Variants in ANO6 observed in about 807,000 individuals in gnomAD.
The protein encoded by ANO6 is anoctamin 6.
ANO6 carries 106 observed loss-of-function variants against 117.5 expected under a neutral mutation model. That is an observed-to-expected ratio of 0.90 (90% CI 0.77 to 1.06). ANO6 has a LOEUF of 1.06. ANO6 is among the 50% of genes least tolerant of loss of function. ANO6 has a pLI of 0.00. For missense variants in ANO6, 955 were observed against 1,121.1 expected, an observed-to-expected ratio of 0.85 and a Z score of 2.12; for synonymous variants, 367 against 385.1, an observed-to-expected ratio of 0.95 and a Z score of 0.55.
At chr12:45,326,279 G>A (rs1474935854) in intron 2 of ANO6, among the ~76,000 whole-genome samples, 2 of 152,132 alleles carry the variant, frequency 1.3e-5, no homozygotes, top group African/African-American at 2.4e-5. Context: ...ATCTATCCTT[G>A]ATGAGAAATG....
intron 1 of ANO6, among the ~76,000 whole-genome samples, chr12:45,277,970 T>C (rs750270405): frequency 2.6e-5 from 4 of 152,160 alleles, no homozygotes; most frequent in African/African-American, 4.8e-5. Flanking sequence ...ATGTATTTTT[T>C]AGAGATAGGG....
intron 2 of ANO6, among the ~76,000 whole-genome samples, chr12:45,330,123 A>C (rs777267901): frequency 2.0e-5 from 3 of 152,156 alleles, no homozygotes; most frequent in Non-Finnish European, 2.9e-5. Flanking sequence ...GGGTTACATC[A>C]GCAGCATTCA....
At chr12:45,293,745 T>TTG (rs1555166012) in intron 1 of ANO6, among the ~76,000 whole-genome samples, 1 of 139,516 alleles carries the variant, frequency 7.2e-6, no homozygotes. Flanking sequence ...TTTTTTTTTT[T>TTG]TTTTTTTTTT....
At chr12:45,294,191 C>T (rs1389515361) in intron 1 of ANO6, among the ~76,000 whole-genome samples, 2 of 152,044 alleles carry the variant, frequency 1.3e-5, no homozygotes, top group African/African-American at 2.4e-5. Context: ...GAATGGCTCC[C>T]GCTTTTGGAT....
chr12:45,231,045 T>C (rs1454342595), intron 1 of ANO6, among the ~76,000 whole-genome samples: 1 of 152,182 alleles, frequency 6.6e-6, no homozygotes, highest in Non-Finnish European at 1.5e-5. Context: ...AGGCGGAGAC[T>C]GCAGTGAACC....
intron 19 of ANO6, among the ~76,000 whole-genome samples, chr12:45,438,368 G>A (rs1223185378): frequency 6.6e-6 from 1 of 152,002 alleles, no homozygotes; most frequent in Admixed American, 6.5e-5. Flanking sequence ...AAGGACATGT[G>A]ATCAGCAATA....
chr12:45,392,855 A>G (rs1008210181), intron 12 of ANO6, among the ~76,000 whole-genome samples: 1 of 152,250 alleles, frequency 6.6e-6, no homozygotes, highest in Non-Finnish European at 1.5e-5. Context: ...ACCAACATCA[A>G]AGACCAAAGG....
At chr12:45,440,135 A>G (rs892498940) in exon 20 of ANO6, 2 of 458,362 alleles carry the variant, frequency 4.4e-6, no homozygotes, top group Non-Finnish European at 7.0e-6. Flanking sequence ...TGTTGTTGCT[A>G]TTATTAAAAG....
chr12:45,289,321 C>A (rs1939021398), intron 1 of ANO6, among the ~76,000 whole-genome samples: 1 of 151,918 alleles, frequency 6.6e-6, no homozygotes, highest in Non-Finnish European at 1.5e-5. Context: ...TGCCTGCCAC[C>A]ACACCTGGCT....
intron 1 of ANO6, among the ~76,000 whole-genome samples, chr12:45,294,444 A>G (rs1459232705): frequency 6.6e-6 from 1 of 152,230 alleles, no homozygotes; most frequent in Non-Finnish European, 1.5e-5. Flanking sequence ...CTGAAGTGGT[A>G]ATAATTGTAG....
At chr12:45,217,170 G>A (rs865838169) in intron 1 of ANO6, among the ~76,000 whole-genome samples, 1 of 152,092 alleles carries the variant, frequency 6.6e-6, no homozygotes, top group African/African-American at 2.4e-5. Context: ...ATGAGAGGAG[G>A]TGAGGAAGGG....
At chr12:45,349,893 G>C (rs1260662272) in intron 6 of ANO6, among the ~76,000 whole-genome samples, 2 of 152,196 alleles carry the variant, frequency 1.3e-5, no homozygotes, top group African/African-American at 2.4e-5. Context: ...GGGATGCCAG[G>C]GTTCTCTAAC....
intron 1 of ANO6, among the ~76,000 whole-genome samples, chr12:45,301,409 A>G (rs1333434165): frequency 2.0e-5 from 3 of 152,070 alleles, no homozygotes; most frequent in Non-Finnish European, 4.4e-5. Context: ...TAGCCTGGGC[A>G]ATATAGGGAT....
intron 1 of ANO6, among the ~76,000 whole-genome samples, chr12:45,218,088 A>C (rs1273099029): frequency 2.6e-5 from 4 of 152,184 alleles, no homozygotes; most frequent in Admixed American, 2.0e-4. Flanking sequence ...CATTCATGCT[A>C]GTTTTGTCCA....
intron 1 of ANO6, among the ~76,000 whole-genome samples, chr12:45,240,833 A>T (rs1370491608): frequency 6.6e-6 from 1 of 152,090 alleles, no homozygotes; most frequent in Non-Finnish European, 1.5e-5. Flanking sequence ...TGGATATGAG[A>T]TTCTGGGTTG....
chr12:45,292,854 G>A, intron 1 of ANO6: 2 of 1,547,752 alleles, frequency 1.3e-6, no homozygotes, highest in Middle Eastern at 1.7e-4. Context: ...TAAGGTAGAG[G>A]TAGGAGGGTA....
At chr12:45,371,625 C>T (rs867566693) in intron 9 of ANO6, among the ~76,000 whole-genome samples, 30 of 151,900 alleles carry the variant, frequency 2.0e-4, no homozygotes, top group Non-Finnish European at 2.8e-4. Context: ...CGGCAGGGTA[C>T]TCCAACAGAC....
chr12:45,231,611 A>G (rs1165117443), intron 1 of ANO6, among the ~76,000 whole-genome samples: 2 of 152,210 alleles, frequency 1.3e-5, no homozygotes, highest in Non-Finnish European at 2.9e-5. Context: ...CTCTTACTGC[A>G]TTTAGAATTG....
chr12:45,235,608 C>T (rs906268580), intron 1 of ANO6, among the ~76,000 whole-genome samples: 25 of 152,122 alleles, frequency 1.6e-4, no homozygotes, highest in Admixed American at 1.4e-3. Flanking sequence ...GGTGGTATGC[C>T]GCCTTTTAAC....
Sources: allele counts gnomAD v4.1 joint callset (sites outside exome capture counted in the v4.1 genomes callset), GRCh38; gene constraint gnomAD v4.1.1; transcripts MANE v1.5; gene names NCBI Gene and HGNC (gene_info 2026-07-23, HGNC 2026-07-21).